MALT1: variants seen among roughly 807,000 people sequenced by gnomAD.
MALT1 encodes the protein mucosa-associated lymphoid tissue lymphoma translocation protein 1.
A neutral mutation model predicts 85.5 loss-of-function variants in MALT1; 36 were observed. The ratio of observed to expected loss-of-function variants is 0.42; its 90% confidence interval spans 0.32 to 0.56. MALT1 has a LOEUF of 0.56. Among genes scored for constraint, MALT1 ranks in the 20% least tolerant of loss-of-function variants. The probability of loss-of-function intolerance (pLI) is 0.10; values close to 1 mark genes in which losing one functional copy is unlikely to be tolerated. For missense variants in MALT1, 716 were observed against 981.6 expected (o/e 0.73, Z 3.62); for synonymous variants, 359 against 361.3 (o/e 0.99, Z 0.07).
At chr18:58,680,669 C>G (rs2054306295) in intron 1 of MALT1, among the ~76,000 whole-genome samples, 2 of 152,148 alleles carry the variant, frequency 1.3e-5, no homozygotes, top group Admixed American at 6.5e-5. Context: ...ATTTAATAAT[C>G]ATGGGACACT....
At chr18:58,730,286 C>A (rs1039833803) in intron 10 of MALT1, among the ~76,000 whole-genome samples, 2 of 152,112 alleles carry the variant, frequency 1.3e-5, no homozygotes, top group Non-Finnish European at 2.9e-5. Flanking sequence ...AAAAAGAAAC[C>A]CCATATCCAT....
rs983630605 is a variant in MALT1, at chr18:58,718,432, C to G, written c.1018+2465C>G. On this transcript the variant is annotated intron_variant, in intron 9 of 16. Coordinates refer to ENST00000649217, the MANE Select transcript of MALT1 (RefSeq NM_006785.4). ...ACACAGCAGGAGGCGAGTGAGCGAG[C>G]ATTACCACCTGAGCTCTGCCTCCTG... Among the ~76,000 whole-genome samples the G allele has an allele frequency of 3.9e-5, 6 of 152,348 alleles. No homozygotes were observed. In the East Asian group the frequency reaches 1.2e-3, roughly 29 times the overall value.
intron 8 of MALT1, 127 bp downstream of exon 8, chr18:58,714,236 T>A: frequency 2.1e-6 from 1 of 468,186 alleles, no homozygotes; most frequent in Non-Finnish European, 3.8e-6. Flanking sequence ...AATAATATAA[T>A]TTAAGGTTGA....
chr18:58,698,129 C>T (rs372178766), intron 3 of MALT1, among the ~76,000 whole-genome samples: 37 of 146,908 alleles, frequency 2.5e-4, no homozygotes, highest in African/African-American at 7.7e-4. Flanking sequence ...TGCAGTGGCG[C>T]GATCTTGGCT....
Position 58,751,998 on chromosome 18 carries a change from T to C in MALT1, c.*4156T>C, listed in dbSNP as rs1157790037. On this transcript the variant is annotated 3_prime_UTR_variant, in exon 17 of 17. Coordinates refer to ENST00000649217, the MANE Select transcript of MALT1 (RefSeq NM_006785.4). ...AAGGTCCATTTAGACATTGCCTTCTTCCCCCATCTCTAATGCCTCTTTTCA... is the reference window on the plus strand; with the variant it reads ...AAGGTCCATTTAGACATTGCCTTCTCCCCCCATCTCTAATGCCTCTTTTCA... 6.6e-6 allele frequency: 1 copy of C among 152,140 alleles called. No individual in the cohort carries two copies. The highest frequency in any genetic ancestry group is 2.4e-5 in the African/African-American group (1 of 41,444). The allele number at this position is 152,140 out of a possible 1,614,324, so 9.4% of individuals were successfully genotyped here.
rs2054257647 is a variant in MALT1 at position 58,677,422 on chromosome 18, TTA to T, written c.210-3744_210-3743del. 3.9e-5 allele frequency among the ~76,000 whole-genome samples: 6 copies of T among 152,304 alleles called. No individual in the cohort carries two copies. In the South Asian group the frequency reaches 1.0e-3, roughly 26 times the overall value. Reference sequence around the variant, plus strand: ...CTGGTAAACTTCTGAATCATAAAAATTATATTTAGCATACAGCATCCCTATTT... The same window carrying T: ...CTGGTAAACTTCTGAATCATAAAAATTATTTAGCATACAGCATCCCTATTT... On this transcript the variant is annotated intron_variant, in intron 1 of 16. Coordinates refer to ENST00000649217, the MANE Select transcript of MALT1 (RefSeq NM_006785.4).
rs796905674 is a variant in MALT1 at position 58,698,067 on chromosome 18, G to GTTTTTTTTTT, written c.498+1587_498+1588insTTTTTTTTTT. Among the ~76,000 whole-genome samples, 5 of 74,958 alleles carry GTTTTTTTTTT rather than the reference G, an allele frequency of 6.7e-5. 1 individual carries two copies. Among genetic ancestry groups the GTTTTTTTTTT allele is most frequent in the Non-Finnish European group, 1.3e-4 (4 of 31,160 alleles). 49.2% of individuals were successfully genotyped at this position (74,958 alleles called of 152,430 possible). A position where few individuals can be genotyped will look rare whatever the true frequency, so the allele number is the denominator to read the frequency against. ...GTTGTTGTTGTTGTTGTTTTGTTTTGTTTTTTTGTTTTTTTTTTGAGATGG... is the reference window on the plus strand; with the variant it reads ...GTTGTTGTTGTTGTTGTTTTGTTTTGTTTTTTTTTTTTTTTTTGTTTTTTTTTTGAGATGG... On this transcript the variant is annotated intron_variant, in intron 3 of 16. Transcript: ENST00000649217.
At position 58,753,184 on chromosome 18, in the gene MALT1, GTTTT is replaced by G. The variant is rs911141989; in HGVS notation, c.*5348_*5351del. Reference sequence around the variant, plus strand: ...GCTATACCTGTAGGCAGTATAGAGTGTTTTTTTTTATTTGTTTTTTTGTTGTTGT... The same window carrying G: ...GCTATACCTGTAGGCAGTATAGAGTGTTTTTATTTGTTTTTTTGTTGTTGT... On this transcript the variant is annotated 3_prime_UTR_variant, in exon 17 of 17. Coordinates refer to ENST00000649217, the MANE Select transcript of MALT1 (RefSeq NM_006785.4). The G allele has an allele frequency of 6.6e-6, 1 of 150,916 alleles. No homozygotes were observed. Among genetic ancestry groups the G allele is most frequent in the Non-Finnish European group, 1.5e-5 (1 of 67,638 alleles). The allele number at this position is 150,916 out of a possible 1,614,324, so 9.3% of individuals were successfully genotyped here.
Position 58,671,576 on chromosome 18 carries a change from G to A in MALT1, c.-68G>A, listed in dbSNP as rs953508144. 14 of 1,070,068 alleles carry A rather than the reference G, an allele frequency of 1.3e-5. No homozygotes were observed. Among genetic ancestry groups the A allele is most frequent in the African/African-American group, 1.6e-5 (1 of 60,650 alleles). The allele number at this position is 1,070,068 out of a possible 1,614,324, so 66.3% of individuals were successfully genotyped here. On this transcript the variant is annotated 5_prime_UTR_variant, in exon 1 of 17. Coordinates refer to ENST00000649217, the MANE Select transcript of MALT1 (RefSeq NM_006785.4). The stretch of plus-strand genomic sequence containing the variant: ...CGCGGCTCGGAGGCGAGCGGAAGGT[G>A]CCCCGGGGCCGAGGCCCGTGACGGG...
chr18:58,681,779 T>G (rs2054326319), intron 2 of MALT1, among the ~76,000 whole-genome samples: 2 of 152,236 alleles, frequency 1.3e-5, no homozygotes, highest in South Asian at 2.1e-4. Flanking sequence ...GTTTAAGTTT[T>G]TTTTTGCCGC....
intron 10 of MALT1, among the ~76,000 whole-genome samples, chr18:58,729,937 G>T (rs2055123383): frequency 6.6e-6 from 1 of 152,234 alleles, no homozygotes. Flanking sequence ...AGAATTTGAA[G>T]TGTGTTAGAA....
intron 1 of MALT1, among the ~76,000 whole-genome samples, chr18:58,673,603 C>T (rs1012010960): frequency 6.6e-6 from 1 of 152,084 alleles, no homozygotes; most frequent in African/African-American, 2.4e-5. Flanking sequence ...TACAGGCGTG[C>T]GCCACTACAG....
At chr18:58,676,296 C>A (rs888565638) in intron 1 of MALT1, among the ~76,000 whole-genome samples, 34 of 152,066 alleles carry the variant, frequency 2.2e-4, no homozygotes, top group Admixed American at 2.1e-3. Context: ...TTTGGGAGGC[C>A]AGGGTGGGAG....
intron 10 of MALT1, among the ~76,000 whole-genome samples, chr18:58,731,466 C>T (rs1021910999): frequency 1.3e-5 from 2 of 152,164 alleles, no homozygotes; most frequent in Admixed American, 6.5e-5. Flanking sequence ...CCTGTGTGTG[C>T]AGTCTTATTT....
chr18:58,686,645 G>C (rs1306120318), intron 2 of MALT1, among the ~76,000 whole-genome samples: 1 of 152,182 alleles, frequency 6.6e-6, no homozygotes, highest in Non-Finnish European at 1.5e-5. Flanking sequence ...CATCTTTTCA[G>C]TGGCACCTTT....
chr18:58,746,759 T>C (rs2055373235), intron 16 of MALT1, among the ~76,000 whole-genome samples: 1 of 151,958 alleles, frequency 6.6e-6, no homozygotes, highest in Non-Finnish European at 1.5e-5. Flanking sequence ...ATGGTGTCTC[T>C]CTCTGTCGCC....
Position 58,744,372 on chromosome 18 carries a change from T to C in MALT1, c.1788T>C (p.Cys596=), listed in dbSNP as rs764689794. 2 of 1,606,390 alleles carry C rather than the reference T, an allele frequency of 1.2e-6. No individual in the cohort carries two copies. The highest frequency in any genetic ancestry group is 1.1e-5 in the South Asian group (1 of 89,760). The part of the protein sequence containing the change: ...LPESMCLKFD[C]GVQIQLGFAA... Reference sequence around the variant, plus strand: ...AAAGTATGTGTCTTAAGTTTGACTGTGGTGTTCAGATTCAATTAGGATTTG... The same window carrying C: ...AAAGTATGTGTCTTAAGTTTGACTGCGGTGTTCAGATTCAATTAGGATTTG... Residue 596 remains cysteine, a synonymous_variant, in exon 15 of 17, where the codon TGT becomes TGC. Coordinates refer to ENST00000649217, the MANE Select transcript of MALT1 (RefSeq NM_006785.4).
chr18:58,681,207 G>T lies in MALT1; in HGVS notation c.247G>T (p.Glu83Ter). The T allele has an allele frequency of 6.2e-7, 1 of 1,614,140 alleles. No individual in the cohort carries two copies. The highest frequency in any genetic ancestry group is 8.5e-7 in the Non-Finnish European group (1 of 1,180,008). ...DLEQCSLKVL[E>*]PEGSPSLCLL... ...GGAGCAGTGTTCTCTTAAGGTACTGGAGCCTGAAGGAAGCCCCAGCCTGTG... is the reference window on the plus strand; with the variant it reads ...GGAGCAGTGTTCTCTTAAGGTACTGTAGCCTGAAGGAAGCCCCAGCCTGTG... Residue 83 changes from glutamate to a stop codon, truncating the protein, a stop_gained, in exon 2 of 17, where the codon GAG (glutamate) becomes TAG (stop). Coordinates refer to ENST00000649217, the MANE Select transcript of MALT1 (RefSeq NM_006785.4). LOFTEE classifies it high-confidence loss of function.
chr18:58,705,289 C>T (rs1301259950), intron 4 of MALT1, among the ~76,000 whole-genome samples: 2 of 147,106 alleles, frequency 1.4e-5, no homozygotes, highest in African/African-American at 2.5e-5. Context: ...TGTAAAAGTA[C>T]GTGTGTGTGT....
Sources: gnomAD v4.1 joint callset for allele counts (sites outside exome capture counted in the v4.1 genomes callset) on GRCh38, gnomAD v4.1.1 for gene constraint, MANE v1.5 for transcripts, NCBI Gene and HGNC (gene_info 2026-07-23, HGNC 2026-07-21) for gene names.